EPN2: variants seen among roughly 807,000 people sequenced by gnomAD.
EPN2 encodes epsin 2, also known as epsin-2.
In EPN2, 34 loss-of-function variants were observed where a neutral mutation model predicts 61.7. The ratio of observed to expected loss-of-function variants is 0.55; its 90% CI spans 0.42 to 0.73. The LOEUF is 0.73. Ranked by LOEUF, EPN2 falls within the 30% of genes least tolerant of loss-of-function variation. The pLI is 0.00. For synonymous variants in EPN2, 349 were observed against 353.6 expected (o/e 0.99, Z 0.15); for missense variants, 714 against 839.2 (o/e 0.85, Z 1.84).
In EPN2 at chr17:19,334,400, C is replaced by T; in HGVS notation, c.*146C>T. On this transcript the variant is annotated 3_prime_UTR_variant, in exon 11 of 11. Transcript: ENST00000314728. This position sits in a 1 kb window ranked among gnomAD's most constrained non-coding sequence, Gnocchi z 4.9. Reference sequence around the variant, plus strand: ...CTTCCTGATGAAAGGGCTGTCTTTACAGCCCCAACCCTCAGACCCTCGCCT... The same window carrying T: ...CTTCCTGATGAAAGGGCTGTCTTTATAGCCCCAACCCTCAGACCCTCGCCT... The T allele has an allele frequency of 1.7e-6, 1 of 604,282 alleles. No individual in the cohort carries two copies. The highest frequency in any genetic ancestry group is 3.3e-5 in the East Asian group (1 of 30,050). 37.4% of individuals were successfully genotyped at this position (604,282 alleles called of 1,614,324 possible).
intron 1 of EPN2, among the ~76,000 whole-genome samples, chr17:19,247,640 G>A (rs1025383865): frequency 6.6e-6 from 1 of 152,224 alleles, no homozygotes; most frequent in African/African-American, 2.4e-5. Context: ...GAGCTCCCAG[G>A]TGGCCAGATG....
intron 1 of EPN2, among the ~76,000 whole-genome samples, chr17:19,242,194 T>C (rs2044892311): frequency 6.6e-6 from 1 of 151,230 alleles, no homozygotes; most frequent in African/African-American, 2.4e-5. Flanking sequence ...CCCAGCATTT[T>C]GGGAGGCTGA....
At position 19,246,335 on chromosome 17, in the gene EPN2, G is replaced by A. The variant is rs531158193; in HGVS notation, c.-294+8804G>A. On this transcript the variant is annotated intron_variant, in intron 1 of 10. Transcript: ENST00000314728. ...TCATGCCACTGCACTCCAGCCTGGCGACAGAGCGAGACTGTCTCAAAATAA... is the reference window on the plus strand; with the variant it reads ...TCATGCCACTGCACTCCAGCCTGGCAACAGAGCGAGACTGTCTCAAAATAA... Among the ~76,000 whole-genome samples, 15 of 152,234 alleles carry A rather than the reference G, an allele frequency of 9.9e-5. No homozygotes were observed. The South Asian group carries it at 2.7e-3, about 27-fold the overall frequency.
At chr17:19,324,826 G>A (rs772500134) in intron 7 of EPN2, among the ~76,000 whole-genome samples, 11 of 152,128 alleles carry the variant, frequency 7.2e-5, no homozygotes, top group Non-Finnish European at 1.5e-4. Flanking sequence ...AATAGTATCC[G>A]TAAAGACAAG....
intron 1 of EPN2, among the ~76,000 whole-genome samples, chr17:19,246,117 T>C (rs2044945632): frequency 6.6e-6 from 1 of 152,046 alleles, no homozygotes; most frequent in Admixed American, 6.6e-5. Flanking sequence ...TCCCAGCACT[T>C]TGGGAAGCCG....
Position 19,251,387 on chromosome 17 carries a change from T to C in EPN2, c.-294+13856T>C, listed in dbSNP as rs1311866916. 2.0e-5 allele frequency among the ~76,000 whole-genome samples: 3 copies of C among 152,194 alleles called. No homozygotes were observed. In the East Asian group the frequency reaches 5.8e-4, roughly 29 times the overall value. ...TGCACTGTGTGTTGGGTGGGGTTGTTTGTGGGGCTCTGTTAAAAGCGTTTC... is the reference window on the plus strand; with the variant it reads ...TGCACTGTGTGTTGGGTGGGGTTGTCTGTGGGGCTCTGTTAAAAGCGTTTC... On this transcript the variant is annotated intron_variant, in intron 1 of 10. Transcript: ENST00000314728.
At chr17:19,313,619 C>T in intron 7 of EPN2, 1 of 272,398 alleles carries the variant, frequency 3.7e-6, no homozygotes. Flanking sequence ...GCTGAAGGAA[C>T]CAAAATACAC....
At chr17:19,322,670 G>C (rs1431797975) in intron 7 of EPN2, among the ~76,000 whole-genome samples, 1 of 151,542 alleles carries the variant, frequency 6.6e-6, no homozygotes, top group African/African-American at 2.4e-5. Flanking sequence ...AGCCTAGGAG[G>C]TTGAAACTGC....
intron 3 of EPN2, among the ~76,000 whole-genome samples, chr17:19,284,952 A>G (rs971040592): frequency 1.9e-4 from 29 of 152,252 alleles, no homozygotes; most frequent in African/African-American, 6.5e-4. Flanking sequence ...CCTTGGTTAA[A>G]CCACTTGAAA....
intron 1 of EPN2, among the ~76,000 whole-genome samples, chr17:19,262,241 G>A (rs1460760264): frequency 6.6e-6 from 1 of 151,908 alleles, no homozygotes; most frequent in African/African-American, 2.4e-5. Flanking sequence ...CACTTTGGGA[G>A]GCCAAGGCGG....
At chr17:19,269,352 T>G (rs913109001) in intron 1 of EPN2, among the ~76,000 whole-genome samples, 1 of 152,208 alleles carries the variant, frequency 6.6e-6, no homozygotes, top group Admixed American at 6.6e-5. Flanking sequence ...AAAGGAAGTT[T>G]ACCTTTCAAC....
At chr17:19,321,661 C>T (rs139934886) in intron 7 of EPN2, among the ~76,000 whole-genome samples, 30 of 152,200 alleles carry the variant, frequency 2.0e-4, no homozygotes, top group African/African-American at 7.2e-4. Context: ...AGATATTGTG[C>T]AGGGGAGATG....
intron 1 of EPN2, among the ~76,000 whole-genome samples, chr17:19,242,283 A>G (rs1261604786): frequency 1.3e-5 from 2 of 152,214 alleles, no homozygotes; most frequent in African/African-American, 2.4e-5. Flanking sequence ...GACCAAAAAA[A>G]TACAAAAATT....
chr17:19,332,508 G>A (rs1211163722), intron 10 of EPN2, among the ~76,000 whole-genome samples: 1 of 152,144 alleles, frequency 6.6e-6, no homozygotes, highest in Non-Finnish European at 1.5e-5. Flanking sequence ...CACTCCTGGT[G>A]CCAGAGTCTG....
chr17:19,259,626 TA>T (rs942273376), intron 1 of EPN2, among the ~76,000 whole-genome samples: 111 of 152,276 alleles, frequency 7.3e-4, no homozygotes, highest in Non-Finnish European at 7.9e-4. Flanking sequence ...ATTGGGTCTT[TA>T]GGGGTCAAAA....
chr17:19,304,031 A>G (rs969698544), intron 4 of EPN2: 2 of 152,210 alleles, frequency 1.3e-5, no homozygotes, highest in African/African-American at 4.8e-5. Context: ...TGAACTCGGG[A>G]GGTGGAGGTT....
chr17:19,273,634 G>A (rs2045277830), intron 1 of EPN2, among the ~76,000 whole-genome samples: 1 of 152,180 alleles, frequency 6.6e-6, no homozygotes, highest in Non-Finnish European at 1.5e-5. Context: ...GAGTAGCTGG[G>A]AAACAAGTGT....
chr17:19,247,079 C>G (rs1437195071), intron 1 of EPN2, among the ~76,000 whole-genome samples: 1 of 152,108 alleles, frequency 6.6e-6, no homozygotes, highest in East Asian at 1.9e-4. Flanking sequence ...CCCCTGTGTG[C>G]CTTTTTGATA....
chr17:19,245,472 GCGGGA>G (rs2044935625), intron 1 of EPN2, among the ~76,000 whole-genome samples: 1 of 139,372 alleles, frequency 7.2e-6, no homozygotes, highest in African/African-American at 3.1e-5. Flanking sequence ...GAGTGCAGTG[GCGGGA>G]TCTCAGCTCA....
Sources: gnomAD v4.1 joint callset for allele counts (sites outside exome capture counted in the v4.1 genomes callset) on GRCh38, gnomAD v4.1.1 for gene constraint, Gnocchi (gnomAD v3.1) non-coding constraint, MANE v1.5 for transcripts, NCBI Gene and HGNC (gene_info 2026-07-23, HGNC 2026-07-21) for gene names.